OVCH1: variants seen among roughly 807,000 people sequenced by gnomAD.
OVCH1 encodes the protein ovochymase-1.
OVCH1 carries 139 observed loss-of-function variants against 138.4 expected under a neutral mutation model. That is an observed-to-expected ratio of 1.00 (90% confidence interval 0.87 to 1.16). The LOEUF (loss-of-function observed/expected upper bound fraction) is 1.16. Ranked by LOEUF, OVCH1 falls within the 50% of genes most tolerant of loss-of-function variation. The probability of loss-of-function intolerance (pLI) is 0.00; values close to 1 mark genes in which losing one functional copy is unlikely to be tolerated. For missense variants in OVCH1, 1,367 were observed against 1,357.9 expected (o/e 1.01, Z -0.11); for synonymous variants, 453 against 467.8 (o/e 0.97, Z 0.41).
chr12:29,485,476 A>ACT (rs1592108403), intron 8 of OVCH1, among the ~76,000 whole-genome samples: 1 of 151,548 alleles, frequency 6.6e-6, no homozygotes, highest in East Asian at 1.9e-4. Flanking sequence ...TCCTGTCTCT[A>ACT]CTAAAAATAC....
chr12:29,433,831 G>GT, intron 26 of OVCH1: 2 of 1,367,892 alleles, frequency 1.5e-6, no homozygotes, highest in African/African-American at 1.5e-5. Context: ...TAAGTAAAAT[G>GT]TTTTTAATGG....
chr12:29,450,796 G>GA (rs1227422500), intron 22 of OVCH1, among the ~76,000 whole-genome samples: 1 of 152,102 alleles, frequency 6.6e-6, no homozygotes, highest in Non-Finnish European at 1.5e-5. Flanking sequence ...ACTGGTTAAA[G>GA]AAAATGTGGC....
chr12:29,477,508 C>T, intron 10 of OVCH1, 30 bp from the exon 11 acceptor site: 1 of 1,613,896 alleles, frequency 6.2e-7, no homozygotes, highest in Non-Finnish European at 8.5e-7. Flanking sequence ...AGTGAAATAA[C>T]ATTACTAAAA....
intron 26 of OVCH1, among the ~76,000 whole-genome samples, chr12:29,434,155 T>G (rs940807880): frequency 4.6e-5 from 7 of 152,168 alleles, no homozygotes; most frequent in African/African-American, 1.7e-4. Context: ...ACATATGAAC[T>G]AATCAAACAA....
intron 26 of OVCH1, among the ~76,000 whole-genome samples, chr12:29,434,021 C>T (rs1592034641): frequency 1.1e-5 from 1 of 92,488 alleles, no homozygotes; most frequent in African/African-American, 3.2e-5. Flanking sequence ...GCAAATGTTT[C>T]TCTATGATAT....
At chr12:29,481,677 C>T (rs1277240998) in intron 8 of OVCH1, among the ~76,000 whole-genome samples, 1 of 152,124 alleles carries the variant, frequency 6.6e-6, no homozygotes, top group Non-Finnish European at 1.5e-5. Context: ...TATGTGTTTC[C>T]TATGACTGTT....
chr12:29,426,729 T>C (rs1171368199), downstream of OVCH1, among the ~76,000 whole-genome samples: 1 of 152,178 alleles, frequency 6.6e-6, no homozygotes, highest in Non-Finnish European at 1.5e-5. Context: ...TCTCCAGATC[T>C]GTCTACTTCA....
chr12:29,424,166 A>G (rs1302640910), downstream of OVCH1, among the ~76,000 whole-genome samples: 1 of 152,258 alleles, frequency 6.6e-6, no homozygotes, highest in Non-Finnish European at 1.5e-5. Flanking sequence ...ATTATAGATT[A>G]ACTAAAAGTA....
intron 3 of OVCH1, among the ~76,000 whole-genome samples, chr12:29,419,437 G>GAA (rs1382666286): frequency 4.4e-5 from 6 of 137,464 alleles, no homozygotes; most frequent in African/African-American, 1.7e-4. Flanking sequence ...ACAGGTGCCC[G>GAA]CCACCATGCC....
the OVCH1 span, among the ~76,000 whole-genome samples, chr12:29,406,467 C>G: frequency 6.6e-6 from 1 of 152,146 alleles, no homozygotes. Context: ...CCTCCAACCC[C>G]ACAACAGTCC....
chr12:29,485,547 G>A (rs1372863775), intron 8 of OVCH1, among the ~76,000 whole-genome samples: 1 of 151,900 alleles, frequency 6.6e-6, no homozygotes, highest in East Asian at 1.9e-4. Context: ...GGCCGAGGCG[G>A]GCGGATTACG....
intron 8 of OVCH1, among the ~76,000 whole-genome samples, chr12:29,486,040 A>G (rs920785347): frequency 6.6e-6 from 1 of 152,070 alleles, no homozygotes; most frequent in Non-Finnish European, 1.5e-5. Flanking sequence ...AATGGCATGG[A>G]AAGTCTCCCT....
In OVCH1 at chr12:29,471,994, A is replaced by T; in HGVS notation, c.1676-12T>A. 1 of 1,599,114 alleles carries T rather than the reference A, an allele frequency of 6.3e-7. No individual in the cohort carries two copies. Among genetic ancestry groups the T allele is most frequent in the African/African-American group, 1.3e-5 (1 of 74,412 alleles). ...GATGCCACAGACATCTACAGTAAAG[A>T]TGAAACCAATGACCCATAAGGTTGC... On this transcript the variant is annotated splice_polypyrimidine_tract_variant and intron_variant, in intron 15 of 27. Coordinates refer to ENST00000318184, the Ensembl canonical transcript of OVCH1.
intron 3 of OVCH1, among the ~76,000 whole-genome samples, chr12:29,414,151 G>T (rs1033972947): frequency 1.3e-5 from 2 of 150,958 alleles, no homozygotes; most frequent in African/African-American, 4.9e-5. Context: ...TCAGTCTCCC[G>T]AGTAGCTGGG....
intron 5 of OVCH1, 127 bp from the exon 6 acceptor site, chr12:29,489,898 G>T: frequency 9.6e-7 from 1 of 1,044,346 alleles, no homozygotes. Context: ...GTTTTTAGGT[G>T]TGAATCATAT....
chr12:29,444,268 C>G, exon 24 of OVCH1: 7 of 1,611,768 alleles, frequency 4.3e-6, no homozygotes, highest in Non-Finnish European at 5.9e-6. Context: ...GGTTATTTTA[C>G]TGTCCTTTGG....
At chr12:29,447,999 C>A (rs1941665900) in intron 22 of OVCH1, among the ~76,000 whole-genome samples, 1 of 151,528 alleles carries the variant, frequency 6.6e-6, no homozygotes, top group African/African-American at 2.4e-5. Context: ...ATGAAAAAAT[C>A]ATAATGTGTT....
At chr12:29,477,065 A>G (rs748337932) in intron 12 of OVCH1, 37 bp downstream of exon 12, 12 of 1,533,172 alleles carry the variant, frequency 7.8e-6, no homozygotes, top group Middle Eastern at 1.7e-4. Context: ...ACGTAACTCT[A>G]TTCTTTATGA....
chr12:29,419,703 T>C (rs988671116), intron 3 of OVCH1, among the ~76,000 whole-genome samples: 3 of 152,182 alleles, frequency 2.0e-5, no homozygotes, highest in African/African-American at 7.2e-5. Flanking sequence ...CTGAAAGATA[T>C]TCTGAAAGTT....
Sources: allele counts gnomAD v4.1 joint callset (sites outside exome capture counted in the v4.1 genomes callset), GRCh38; gene constraint gnomAD v4.1.1; transcripts MANE v1.5; gene names NCBI Gene and HGNC (gene_info 2026-07-23, HGNC 2026-07-21).